Variants in HDAC4 observed in about 807,000 individuals in gnomAD.
HDAC4 encodes the protein histone deacetylase A.
A neutral mutation model predicts 135.1 loss-of-function variants in HDAC4; 16 were observed. That is an observed-to-expected ratio of 0.12 (90% CI 0.08 to 0.18). HDAC4 has a LOEUF of 0.18. Ranked by LOEUF, HDAC4 falls within the 10% of genes least tolerant of loss-of-function variation. The pLI, the probability that HDAC4 is intolerant of heterozygous loss-of-function variation, is 1.00. For synonymous variants in HDAC4, 685 were observed against 653.4 expected, an observed-to-expected ratio of 1.05 and a Z score of -0.74; for missense variants, 1,143 against 1,511.8, an observed-to-expected ratio of 0.76 and a Z score of 4.05.
At chr2:239,153,388 T>C (rs764376940) in intron 7 of HDAC4, among the ~76,000 whole-genome samples, 1 of 152,240 alleles carries the variant, frequency 6.6e-6, no homozygotes, top group Non-Finnish European at 1.5e-5. Flanking sequence ...TTAAAGACTA[T>C]TTCAGTTCAT....
At chr2:239,339,915 C>T (rs749915249) in intron 2 of HDAC4, among the ~76,000 whole-genome samples, 21 of 152,184 alleles carry the variant, frequency 1.4e-4, no homozygotes, top group Non-Finnish European at 1.9e-4. Flanking sequence ...CACATCCATG[C>T]TCAGGCCAGG....
chr2:239,208,235 G>A (rs2046160420), intron 3 of HDAC4, among the ~76,000 whole-genome samples: 1 of 148,934 alleles, frequency 6.7e-6, no homozygotes, highest in Non-Finnish European at 1.5e-5. Flanking sequence ...GCCGAGGCAG[G>A]AGAATGGCGT....
At chr2:239,063,264 G>C (rs1280447404) in intron 24 of HDAC4, among the ~76,000 whole-genome samples, 2 of 151,744 alleles carry the variant, frequency 1.3e-5, no homozygotes, top group Non-Finnish European at 2.9e-5. Flanking sequence ...GTGGTGGCGC[G>C]ATCTCGGCTC....
intron 2 of HDAC4, among the ~76,000 whole-genome samples, chr2:239,301,406 G>GCC (rs1284760350): frequency 6.6e-6 from 1 of 152,028 alleles, no homozygotes; most frequent in African/African-American, 2.4e-5. Flanking sequence ...GCCAGGCGAG[G>GCC]CCAGTGATGC....
intron 2 of HDAC4, among the ~76,000 whole-genome samples, chr2:239,292,100 C>T (rs1468304946): frequency 1.3e-5 from 2 of 152,192 alleles, no homozygotes; most frequent in Non-Finnish European, 2.9e-5. Flanking sequence ...TCAGGACGGC[C>T]ACGCCAGGGG....
Position 239,240,014 on chromosome 2 carries a change from C to T in HDAC4, c.23-3350G>A, listed in dbSNP as rs868712234. On this transcript the variant is annotated intron_variant, in intron 2 of 26. Coordinates refer to ENST00000543185, the MANE Select transcript of HDAC4 (RefSeq NM_001378414.1). The surrounding 1 kb of genome is among the most constrained non-coding windows in gnomAD (Gnocchi z 4.5). ...TTTAAGACAAGATCCCGGCCTGAGC[C>T]GTCCTTGGTCGTCCACCTGGACAGC... Among the ~76,000 whole-genome samples the T allele has an allele frequency of 6.6e-6, 1 of 152,340 alleles. No homozygotes were observed. Among genetic ancestry groups the T allele is most frequent in the East Asian group, 1.9e-4 (1 of 5,170 alleles).
Position 239,076,913 on chromosome 2 carries a change from G to A in HDAC4, c.2750+4182C>T, listed in dbSNP as rs1030055571. ...GCACCCTTCAGCCTCCTCTAAGCCA[G>A]CACCTCGAGACCTCACCAAGTGCCC... On this transcript the variant is annotated intron_variant, in intron 22 of 26. Coordinates refer to ENST00000543185, the MANE Select transcript of HDAC4 (RefSeq NM_001378414.1). Among the ~76,000 whole-genome samples the A allele has an allele frequency of 2.6e-5, 4 of 152,030 alleles. No individual in the cohort carries two copies. The South Asian group carries it at 6.2e-4, about 24-fold the overall frequency.
intron 2 of HDAC4, among the ~76,000 whole-genome samples, chr2:239,304,256 A>G (rs11886812): frequency 1.5e-3 from 232 of 152,372 alleles, no homozygotes; most frequent in African/African-American, 5.4e-3. Flanking sequence ...GAAGGCCTCA[A>G]GCAGTGTGAG....
chr2:239,162,387 C>T (rs2042859795), intron 6 of HDAC4: 1 of 454,096 alleles, frequency 2.2e-6, no homozygotes, highest in African/African-American at 2.0e-5. Context: ...GCCCCAGGGG[C>T]ACCATCTGAA....
intron 3 of HDAC4, among the ~76,000 whole-genome samples, chr2:239,190,366 G>A (rs1400013320): frequency 6.6e-6 from 1 of 152,162 alleles, no homozygotes; most frequent in Non-Finnish European, 1.5e-5. Context: ...CCCTCCCCGG[G>A]AGGCCGGCTC....
At chr2:239,096,483 G>GC (rs1190245697) in intron 16 of HDAC4, among the ~76,000 whole-genome samples, 6 of 27,222 alleles carry the variant, frequency 2.2e-4, no homozygotes, top group Admixed American at 4.5e-4. Context: ...ATGGATGCCC[G>GC]CCCCCCGCCC....
intron 2 of HDAC4, among the ~76,000 whole-genome samples, chr2:239,326,161 G>A (rs1246920650): frequency 3.9e-5 from 6 of 152,094 alleles, no homozygotes; most frequent in African/African-American, 9.7e-5. Context: ...TGTGATGTAT[G>A]CACACAATGG....
chr2:239,304,997 G>A (rs529644066), intron 2 of HDAC4, among the ~76,000 whole-genome samples: 93 of 152,248 alleles, frequency 6.1e-4, no homozygotes, highest in Admixed American at 1.3e-3. Flanking sequence ...GGACAGTCCC[G>A]CGCTTTCTTC....
intron 21 of HDAC4, 143 bp downstream of exon 21, chr2:239,081,959 A>G (rs2035377132): frequency 1.2e-6 from 1 of 812,242 alleles, no homozygotes; most frequent in South Asian, 1.6e-5. Flanking sequence ...CTGACGTCTG[A>G]CTGAAGTTAC....
intron 11 of HDAC4, among the ~76,000 whole-genome samples, chr2:239,131,429 C>T (rs765537229): frequency 2.6e-5 from 4 of 152,146 alleles, no homozygotes; most frequent in African/African-American, 4.8e-5. Flanking sequence ...AGCAAGAGTT[C>T]GTCAAAAACT....
chr2:239,387,294 G>C (rs1255744580), intron 1 of HDAC4, among the ~76,000 whole-genome samples: 1 of 152,210 alleles, frequency 6.6e-6, no homozygotes, highest in Non-Finnish European at 1.5e-5. Flanking sequence ...GCAGGGGCTG[G>C]AGAGTGGCCA....
chr2:239,324,037 C>T (rs2053397496), intron 2 of HDAC4, among the ~76,000 whole-genome samples: 1 of 152,172 alleles, frequency 6.6e-6, no homozygotes, highest in Non-Finnish European at 1.5e-5. Context: ...TGATGAAACA[C>T]TGACAAAGGC....
chr2:239,276,236 C>G (rs1023004317), intron 2 of HDAC4, among the ~76,000 whole-genome samples: 1 of 152,222 alleles, frequency 6.6e-6, no homozygotes, highest in Non-Finnish European at 1.5e-5. Context: ...AGGGAGAGGC[C>G]CCGAACCAGA....
intron 2 of HDAC4, among the ~76,000 whole-genome samples, chr2:239,297,921 C>T (rs1316122834): frequency 6.6e-6 from 1 of 152,172 alleles, no homozygotes; most frequent in African/African-American, 2.4e-5. Context: ...TGTGCCTCTT[C>T]CACAGGGCCC....
Sources: allele counts gnomAD v4.1 joint callset (sites outside exome capture counted in the v4.1 genomes callset), GRCh38; gene constraint gnomAD v4.1.1; non-coding constraint Gnocchi (gnomAD v3.1); transcripts MANE v1.5; gene names NCBI Gene and HGNC (gene_info 2026-07-23, HGNC 2026-07-21).